Variants in CHD5 observed in about 807,000 individuals in gnomAD.
CHD5 encodes the protein chromodomain helicase DNA binding protein 5.
CHD5 carries 69 observed loss-of-function variants against 230.3 expected under a neutral mutation model. That is an observed-to-expected ratio of 0.30 (90% CI 0.25 to 0.37). The LOEUF is 0.37. Ranked by LOEUF, CHD5 falls within the 10% of genes least tolerant of loss-of-function variation. CHD5 has a pLI of 1.00. For missense variants in CHD5, 1,827 were observed against 2,622.8 expected (o/e 0.70, Z 6.63); for synonymous variants, 1,064 against 1,065.9 (o/e 1.00, Z 0.03).
chr1:6,110,925 C>T (rs1390463112), intron 36 of CHD5, among the ~76,000 whole-genome samples: 1 of 152,156 alleles, frequency 6.6e-6, no homozygotes, highest in Non-Finnish European at 1.5e-5. Context: ...GACTGGGATG[C>T]TTGTAAGAAG....
intron 1 of CHD5, among the ~76,000 whole-genome samples, chr1:6,171,272 G>C (rs539182819): frequency 6.6e-6 from 1 of 152,184 alleles, no homozygotes; most frequent in African/African-American, 2.4e-5. Flanking sequence ...ACAGGCCTTC[G>C]AGGACAAGGC....
chr1:6,120,696 A>C (rs1666454161), intron 33 of CHD5, among the ~76,000 whole-genome samples: 1 of 152,040 alleles, frequency 6.6e-6, no homozygotes, highest in Non-Finnish European at 1.5e-5. Flanking sequence ...CAGCTACAAG[A>C]GATCGAGACC....
chr1:6,139,348 T>G (rs886670732), intron 15 of CHD5, among the ~76,000 whole-genome samples: 1 of 152,056 alleles, frequency 6.6e-6, no homozygotes, highest in Non-Finnish European at 1.5e-5. Context: ...GCGATTCTCC[T>G]GCCTCAGCCT....
rs973978821 is a variant in CHD5, at chr1:6,167,863, G to A, written c.207+287C>T. 2.6e-5 allele frequency among the ~76,000 whole-genome samples: 4 copies of A among 152,216 alleles called. No homozygotes were observed. Among genetic ancestry groups the A allele is most frequent in the Non-Finnish European group, 4.4e-5 (3 of 68,050 alleles). Reference sequence around the variant, plus strand: ...GGCAGGGAGGTAGGGAGGCACCGTGGCGACGGAATCCAGCCCTGTCCCTCG... The same window carrying A: ...GGCAGGGAGGTAGGGAGGCACCGTGACGACGGAATCCAGCCCTGTCCCTCG... On this transcript the variant is annotated intron_variant, in intron 2 of 41. Transcript: ENST00000262450. This position sits in a 1 kb window ranked among gnomAD's most constrained non-coding sequence, Gnocchi z 4.5.
In CHD5 at chr1:6,125,245, G is replaced by C; in HGVS notation, c.4261-12C>G. The C allele has an allele frequency of 6.3e-7, 1 of 1,597,824 alleles. No individual in the cohort carries two copies. The highest frequency in any genetic ancestry group is 1.1e-5 in the South Asian group (1 of 89,896). ...TTGAAGCCCAGCACCTGGGCGAGTGGAGCGTGGGAGTATGAGCCCAGGACA... is the reference window on the plus strand; with the variant it reads ...TTGAAGCCCAGCACCTGGGCGAGTGCAGCGTGGGAGTATGAGCCCAGGACA... On this transcript the variant is annotated splice_polypyrimidine_tract_variant and intron_variant, in intron 28 of 41. Transcript: ENST00000262450. The surrounding 1 kb of genome is among the most constrained non-coding windows in gnomAD (Gnocchi z 6.7).
intron 1 of CHD5, among the ~76,000 whole-genome samples, chr1:6,178,646 C>T (rs1667461868): frequency 2.0e-5 from 3 of 152,250 alleles, no homozygotes; most frequent in Admixed American, 2.0e-4. Flanking sequence ...CCCTATTCCC[C>T]GTCCCCAGCA....
chr1:6,159,414 G>T lies in CHD5; in HGVS notation c.309C>A (p.Leu103=), dbSNP rs751039684. Reference sequence around the variant, plus strand: ...TGGCTTTTTTCTCCTTCTTGTCCTTGAGTTTCTTCTTCTTCTTTTTATTCG... The same window carrying T: ...TGGCTTTTTTCTCCTTCTTGTCCTTTAGTTTCTTCTTCTTCTTTTTATTCG... ...YSPNKKKKKK[L]KDKKEKKAKR... The change falls in exon 3 of 42, where the codon CTC becomes CTA. Residue 103 remains leucine (L), a synonymous_variant. Coordinates refer to ENST00000262450, the MANE Select transcript of CHD5 (RefSeq NM_015557.3). 17 of 1,559,928 alleles carry T rather than the reference G, an allele frequency of 1.1e-5. No homozygotes were observed. The highest frequency in any genetic ancestry group is 1.4e-5 in the Non-Finnish European group (16 of 1,149,874).
chr1:6,112,870 C>CA, intron 34 of CHD5, 39 bp downstream of exon 34: 3 of 1,491,240 alleles, frequency 2.0e-6, no homozygotes, highest in Non-Finnish European at 2.8e-6. Context: ...CCTCAAGGGA[C>CA]CATGGGGCAC....
At chr1:6,145,354 C>G (rs1571158199) in intron 11 of CHD5, among the ~76,000 whole-genome samples, 1 of 152,216 alleles carries the variant, frequency 6.6e-6, no homozygotes, top group Non-Finnish European at 1.5e-5. Flanking sequence ...GTGTCAGAGG[C>G]CACCGATCCT....
Position 6,142,045 on chromosome 1 carries a change from C to T in CHD5, c.2436+83G>A, listed in dbSNP as rs960265798. ...CGGTAGCCCTCCCAGGCTGAGGGAC[C>T]CCAAAGGAGTGCACGGCACCCGTGG... On this transcript the variant is annotated intron_variant, in intron 15 of 41. Coordinates refer to ENST00000262450, the MANE Select transcript of CHD5 (RefSeq NM_015557.3). The surrounding 1 kb of genome is among the most constrained non-coding windows in gnomAD (Gnocchi z 5.2). 7.8e-7 allele frequency: 1 copy of T among 1,289,022 alleles called. No homozygotes were observed. The highest frequency in any genetic ancestry group is 1.1e-6 in the Non-Finnish European group (1 of 895,426). 79.8% of individuals were successfully genotyped at this position (1,289,022 alleles called of 1,614,324 possible).
rs535712113 is a variant in CHD5 at position 6,144,919 on chromosome 1, T to C, written c.1803-764A>G. On this transcript the variant is annotated intron_variant, in intron 11 of 41. Transcript: ENST00000262450. ...TGTTTGTTTTCCCATACATAATTGATTGTTTTGCAGATTGGGGGAACAAAT... is the reference window on the plus strand; with the variant it reads ...TGTTTGTTTTCCCATACATAATTGACTGTTTTGCAGATTGGGGGAACAAAT... 1.1e-4 allele frequency among the ~76,000 whole-genome samples: 16 copies of C among 152,324 alleles called. No homozygotes were observed. The East Asian group carries it at 2.7e-3, about 26-fold the overall frequency.
chr1:6,111,609 C>T (rs1026305235), intron 36 of CHD5, among the ~76,000 whole-genome samples, 166 bp downstream of exon 36: 2 of 151,788 alleles, frequency 1.3e-5, no homozygotes, highest in East Asian at 1.9e-4. Context: ...ATGACAGCGG[C>T]GGGGAGCGGG....
intron 1 of CHD5, 121 bp downstream of exon 1, chr1:6,179,803 AGCGCAGCCCCGCAACCCGGGT>A (rs1667485744): frequency 9.5e-6 from 2 of 210,878 alleles, no homozygotes; most frequent in Non-Finnish European, 1.6e-5. Context: ...GCAGGGCGGG[AGCGCAGCCCCGCAACCCGGGT>A]GCCCCTCCTG....
chr1:6,119,311 G>A (rs1666428222), intron 33 of CHD5, among the ~76,000 whole-genome samples: 1 of 152,050 alleles, frequency 6.6e-6, no homozygotes, highest in African/African-American at 2.4e-5. Context: ...TGTTCGACAG[G>A]ATAGTCTTGA....
Position 6,112,156 on chromosome 1 carries a change from C to T in CHD5, c.5124G>A (p.Ala1708=), listed in dbSNP as rs748692752. Residue 1708 remains alanine, a synonymous_variant, in exon 35 of 42, where the codon GCG becomes GCA. Coordinates refer to ENST00000262450, the MANE Select transcript of CHD5 (RefSeq NM_015557.3). The part of the protein sequence containing the change: ...KGKFKFMFNI[A]DGGFTELHTL... ...CCCCAATACCCGTGAAGCCCCCGTC[C>T]GCGATGTTGAACATGAACTTGAATT... 22 of 1,613,874 alleles carry T rather than the reference C, an allele frequency of 1.4e-5. No homozygotes were observed. Among genetic ancestry groups the T allele is most frequent in the South Asian group, 6.6e-5 (6 of 91,052 alleles).
chr1:6,124,184 A>G (rs773342924), intron 30 of CHD5, 77 bp from the exon 31 acceptor site: 6 of 1,351,774 alleles, frequency 4.4e-6, no homozygotes, highest in Admixed American at 2.3e-5. Flanking sequence ...GCCTCAGGGC[A>G]GCCAGGGGGG....
At chr1:6,135,709 C>A (rs1481256956) in intron 17 of CHD5, among the ~76,000 whole-genome samples, 1 of 152,160 alleles carries the variant, frequency 6.6e-6, no homozygotes, top group East Asian at 1.9e-4. Flanking sequence ...TCCAGCTGTG[C>A]CAAAACCGGC....
Position 6,155,742 on chromosome 1 carries a change from G to C in CHD5, c.388-25C>G. The stretch of plus-strand genomic sequence containing the variant: ...CCTACAGAGACCCAGGCCAGAGGTA[G>C]AGTTGTTGAGGGGCCTTCTGACCTG... On this transcript the variant is annotated intron_variant, in intron 3 of 41. Transcript: ENST00000262450. The surrounding 1 kb of genome is among the most constrained non-coding windows in gnomAD (Gnocchi z 4.0). The C allele has an allele frequency of 6.3e-7, 1 of 1,588,922 alleles. No homozygotes were observed. The highest frequency in any genetic ancestry group is 8.6e-7 in the Non-Finnish European group (1 of 1,157,542).
At chr1:6,164,474 C>T (rs1667222486) in intron 2 of CHD5, among the ~76,000 whole-genome samples, 1 of 152,234 alleles carries the variant, frequency 6.6e-6, no homozygotes, top group African/African-American at 2.4e-5. Flanking sequence ...GTTCCGGCTG[C>T]AGCCCGGTTA....
Sources: gnomAD v4.1 joint callset for allele counts (sites outside exome capture counted in the v4.1 genomes callset) on GRCh38, gnomAD v4.1.1 for gene constraint, Gnocchi (gnomAD v3.1) non-coding constraint, MANE v1.5 for transcripts, NCBI Gene and HGNC (gene_info 2026-07-23, HGNC 2026-07-21) for gene names.